The following MTHFD1L variants were observed in gnomAD, a reference collection of about 807,000 sequenced individuals.
The protein encoded by MTHFD1L is methylenetetrahydrofolate dehydrogenase (NADP+ dependent) 1 like.
A neutral mutation model predicts 119.5 loss-of-function variants in MTHFD1L; 81 were observed. The ratio of observed to expected loss-of-function variants is 0.68; its 90% CI spans 0.57 to 0.82. MTHFD1L has a LOEUF of 0.82. Among genes scored for constraint, MTHFD1L ranks in the 40% least tolerant of loss-of-function variants. MTHFD1L has a pLI of 0.00. For synonymous variants in MTHFD1L, 430 were observed against 475.2 expected (o/e 0.90, Z 1.24); for missense variants, 1,125 against 1,253.4 (o/e 0.90, Z 1.55).
Position 150,932,826 on chromosome 6 carries a change from G to GGAAA in MTHFD1L, c.1257-3975_1257-3974insAGAA, listed in dbSNP as rs1562405042. Among the ~76,000 whole-genome samples the GGAAA allele has an allele frequency of 1.1e-3, 160 of 142,396 alleles. 5 individuals carry two copies. The highest frequency in any genetic ancestry group is 3.4e-3 in the African/African-American group (124 of 36,888). The allele number at this position is 142,396 out of a possible 152,430, so 93.4% of individuals were successfully genotyped here. ...AGGAAGAGAGGGAGGGAGGAAGGAA[G>GGAAA]GAAGGAAGGAAGGAAGGGAGAGAGA... is the stretch of plus-strand genomic sequence containing the variant. On this transcript the variant is annotated intron_variant, in intron 11 of 27. Transcript: ENST00000367321.
intron 24 of MTHFD1L, among the ~76,000 whole-genome samples, chr6:151,017,903 C>T (rs1783380147): frequency 2.1e-5 from 3 of 144,316 alleles, no homozygotes; most frequent in Admixed American, 1.4e-4. Flanking sequence ...GGCGCAATCT[C>T]GGCTCACTGC....
intron 5 of MTHFD1L, 52 bp from the exon 6 acceptor site, chr6:150,885,582 G>A: frequency 7.2e-7 from 1 of 1,391,590 alleles, no homozygotes; most frequent in South Asian, 1.2e-5. Context: ...ACACGTGAGT[G>A]ATTTTTTTGG....
intron 26 of MTHFD1L, among the ~76,000 whole-genome samples, chr6:151,089,792 C>G (rs1424823658): frequency 1.3e-5 from 2 of 152,174 alleles, no homozygotes; most frequent in Non-Finnish European, 2.9e-5. Flanking sequence ...TCTGGGGTCT[C>G]CCCCATTGTA....
At chr6:151,080,788 G>A (rs1288054492) in intron 26 of MTHFD1L, among the ~76,000 whole-genome samples, 1 of 152,196 alleles carries the variant, frequency 6.6e-6, no homozygotes, top group Non-Finnish European at 1.5e-5. Context: ...GCAGACAGCT[G>A]TCTTCCCTGT....
chr6:150,866,389 TA>T, intron 1 of MTHFD1L: 1 of 1,382,498 alleles, frequency 7.2e-7, no homozygotes, highest in Non-Finnish European at 9.3e-7. Context: ...ACCCAGACGG[TA>T]AAGGGGCGGT....
intron 26 of MTHFD1L, among the ~76,000 whole-genome samples, chr6:151,071,468 A>T (rs921205092): frequency 2.0e-5 from 3 of 152,176 alleles, no homozygotes; most frequent in Admixed American, 2.0e-4. Flanking sequence ...CGCTTGTCAG[A>T]TGCCTGAACC....
chr6:151,058,831 G>A (rs1201116055), intron 26 of MTHFD1L, among the ~76,000 whole-genome samples: 14 of 152,142 alleles, frequency 9.2e-5, no homozygotes, highest in Admixed American at 7.9e-4. Flanking sequence ...GTGCCGCCAC[G>A]CCAGGCTAAT....
rs143439211 is a variant in MTHFD1L, at chr6:151,037,048, C to G, written c.2778C>G (p.Asp926Glu). 12 of 1,611,892 alleles carry G rather than the reference C, an allele frequency of 7.4e-6. No individual in the cohort carries two copies. The highest frequency in any genetic ancestry group is 1.7e-5 in the Admixed American group (1 of 59,998). ...HQPDKKGVPR[D>E]FILPISDVRA... ...CTGACAAAAAAGGTGTGCCAAGGGA[C>G]TTCATCTTACCTATCAGTGACGTCC... The change falls in exon 26 of 28, where the codon GAC becomes GAG. Residue 926 changes from aspartate (D) to glutamate (E), a missense_variant. Physicochemically the swap from Asp to Glu is conservative, Grantham distance 45. Around this residue, in one of 3 missense-constraint regions of MTHFD1L, gnomAD observed 61 missense variants for 78.9 expected, o/e 0.77. Coordinates refer to ENST00000367321, the MANE Select transcript of MTHFD1L (RefSeq NM_015440.5).
chr6:150,954,266 G>T (rs1047513149), intron 16 of MTHFD1L, among the ~76,000 whole-genome samples: 10 of 152,218 alleles, frequency 6.6e-5, no homozygotes, highest in Admixed American at 5.9e-4. Flanking sequence ...TGGACAGCTT[G>T]TTATTTGAAG....
chr6:150,882,917 T>G, intron 5 of MTHFD1L, 31 bp downstream of exon 5: 1 of 1,542,034 alleles, frequency 6.5e-7, no homozygotes. Context: ...AATCAACCTT[T>G]ATGGCTAAAT....
intron 6 of MTHFD1L, among the ~76,000 whole-genome samples, chr6:150,886,415 A>G (rs1316446100): frequency 1.4e-5 from 2 of 147,958 alleles, no homozygotes; most frequent in Admixed American, 6.8e-5. Flanking sequence ...TAGCCTGGGC[A>G]ATATAGCAAG....
chr6:150,874,053 C>G (rs898940243), intron 1 of MTHFD1L, among the ~76,000 whole-genome samples: 5 of 152,080 alleles, frequency 3.3e-5, no homozygotes, highest in Non-Finnish European at 5.9e-5. Flanking sequence ...CTTTCCTGGA[C>G]CCAGACAAAA....
intron 20 of MTHFD1L, among the ~76,000 whole-genome samples, chr6:151,003,456 T>A (rs1780910068): frequency 1.3e-5 from 2 of 151,930 alleles, no homozygotes; most frequent in Non-Finnish European, 2.9e-5. Context: ...CGCTCGAACC[T>A]GGAGGGCGGA....
intron 11 of MTHFD1L, among the ~76,000 whole-genome samples, chr6:150,929,836 G>C (rs540438475): frequency 6.6e-6 from 1 of 151,152 alleles, no homozygotes; most frequent in Non-Finnish European, 1.5e-5. Flanking sequence ...AAAGACCTTT[G>C]AAGGAACAAA....
intron 4 of MTHFD1L, among the ~76,000 whole-genome samples, chr6:150,880,013 G>C (rs1466569728): frequency 6.6e-6 from 1 of 152,162 alleles, no homozygotes; most frequent in Non-Finnish European, 1.5e-5. Flanking sequence ...GTGGGGTACA[G>C]TGTGGTGTTT....
In MTHFD1L at chr6:150,969,743, T is replaced by C. The variant is rs1797764011; in HGVS notation, c.2014-2204T>C. Among the ~76,000 whole-genome samples the C allele has an allele frequency of 2.0e-5, 3 of 152,166 alleles. No individual in the cohort carries two copies. In the South Asian group the frequency reaches 6.2e-4, roughly 32 times the overall value. ...TGCATTTGTAGGAAGCAAACAAAGC[T>C]TTCCATAGAGAAACCACTTCCACCA... is the stretch of plus-strand genomic sequence containing the variant. On this transcript the variant is annotated intron_variant, in intron 19 of 27. Transcript: ENST00000367321.
At chr6:151,051,410 A>T (rs1230751126) in intron 26 of MTHFD1L, among the ~76,000 whole-genome samples, 1 of 152,052 alleles carries the variant, frequency 6.6e-6, no homozygotes, top group Admixed American at 6.6e-5. Flanking sequence ...ACACCTTCCA[A>T]ATGCTTTGTA....
intron 10 of MTHFD1L, among the ~76,000 whole-genome samples, chr6:150,925,734 T>G (rs1428409914): frequency 6.6e-6 from 1 of 152,166 alleles, no homozygotes. Context: ...GATCGGAGAT[T>G]ATTATGCAAT....
At chr6:151,077,836 G>A (rs1375627805) in intron 26 of MTHFD1L, among the ~76,000 whole-genome samples, 1 of 151,958 alleles carries the variant, frequency 6.6e-6, no homozygotes, top group South Asian at 2.1e-4. Context: ...GGCCGAGGCG[G>A]GCGGAGCACG....
Sources: gnomAD v4.1 joint callset for allele counts (sites outside exome capture counted in the v4.1 genomes callset) on GRCh38, gnomAD v4.1.1 for gene constraint, gnomAD v4.1.1 regional missense constraint, MANE v1.5 for transcripts, NCBI Gene and HGNC (gene_info 2026-07-23, HGNC 2026-07-21) for gene names.